The following ROBO1 variants were observed in gnomAD, a reference collection of about 807,000 sequenced individuals.
The protein encoded by ROBO1 is roundabout homolog 1.
In ROBO1, 149 loss-of-function variants were observed where a neutral mutation model predicts 195.9. That is an observed-to-expected ratio of 0.76 (90% CI 0.67 to 0.87). ROBO1 has a LOEUF of 0.87. ROBO1 is among the 40% of genes least tolerant of loss of function. The pLI is 0.00. For synonymous variants in ROBO1, 816 were observed against 733.2 expected (o/e 1.11, Z -1.82); for missense variants, 1,933 against 2,068.3 (o/e 0.93, Z 1.27).
chr3:79,009,930 T>C (rs766635757), intron 3 of ROBO1, among the ~76,000 whole-genome samples: 1 of 152,330 alleles, frequency 6.6e-6, no homozygotes, highest in East Asian at 1.9e-4. Flanking sequence ...TCATAAAAAC[T>C]AGTTGGTACT....
chr3:79,121,948 T>A (rs71324659), intron 3 of ROBO1, among the ~76,000 whole-genome samples: 1,944 of 152,184 alleles, frequency 0.013, 22 homozygotes, highest in Non-Finnish European at 0.019. Flanking sequence ...TTTGTGTCCT[T>A]GTCTAAAGTT....
At chr3:79,170,669 TGGTTACA>T (rs2081149543) in intron 2 of ROBO1, among the ~76,000 whole-genome samples, 1 of 152,130 alleles carries the variant, frequency 6.6e-6, no homozygotes, top group Non-Finnish European at 1.5e-5. Context: ...CACATATATT[TGGTTACA>T]GATGTTATTA....
chr3:79,361,180 T>C (rs1238337164), intron 2 of ROBO1, among the ~76,000 whole-genome samples: 1 of 152,078 alleles, frequency 6.6e-6, no homozygotes, highest in Non-Finnish European at 1.5e-5. Context: ...GATAAATATT[T>C]TTAATGTTTT....
At chr3:78,736,835 G>A (rs934633526) in intron 5 of ROBO1, among the ~76,000 whole-genome samples, 2 of 152,254 alleles carry the variant, frequency 1.3e-5, no homozygotes, top group Middle Eastern at 6.8e-3. Context: ...CATGATAAGT[G>A]TATGTGTAAT....
At chr3:79,276,228 C>T (rs1191081882) in intron 2 of ROBO1, among the ~76,000 whole-genome samples, 2 of 151,934 alleles carry the variant, frequency 1.3e-5, no homozygotes, top group Non-Finnish European at 2.9e-5. Context: ...AATTATACTA[C>T]AGAGGTAGAG....
intron 2 of ROBO1, among the ~76,000 whole-genome samples, chr3:79,538,218 G>A (rs779060281): frequency 7.2e-5 from 11 of 152,140 alleles, no homozygotes; most frequent in Non-Finnish European, 1.2e-4. Flanking sequence ...TTTTGTGTCT[G>A]AAGAGTTAAT....
At chr3:79,577,064 G>C (rs1320021162) in intron 2 of ROBO1, among the ~76,000 whole-genome samples, 2 of 151,928 alleles carry the variant, frequency 1.3e-5, no homozygotes, top group Admixed American at 6.6e-5. Flanking sequence ...TGTTTGTCCT[G>C]TTTTAACTAT....
At chr3:79,008,933 G>GTGTGT (rs1341553693) in intron 3 of ROBO1, among the ~76,000 whole-genome samples, 3 of 139,346 alleles carry the variant, frequency 2.2e-5, no homozygotes, top group Non-Finnish European at 4.7e-5. Flanking sequence ...GTGTGTGTAT[G>GTGTGT]GTTTTGTTTT....
intron 1 of ROBO1, among the ~76,000 whole-genome samples, chr3:79,755,862 T>G (rs1350540946): frequency 2.0e-5 from 3 of 152,200 alleles, no homozygotes; most frequent in Non-Finnish European, 4.4e-5. Flanking sequence ...TTGATCATAT[T>G]AGTCCTTGAT....
intron 8 of ROBO1, among the ~76,000 whole-genome samples, chr3:78,693,879 C>T (rs137867206): frequency 2.0e-5 from 3 of 152,252 alleles, no homozygotes; most frequent in South Asian, 4.1e-4. Flanking sequence ...AGGCATGAGT[C>T]ACCCTGGGAG....
chr3:79,093,930 G>T (rs1576665558), intron 3 of ROBO1, among the ~76,000 whole-genome samples: 1 of 151,998 alleles, frequency 6.6e-6, no homozygotes, highest in African/African-American at 2.4e-5. Flanking sequence ...CCTACTTCCT[G>T]TGCCCTTGAA....
rs370403985 is a variant in ROBO1 at position 78,670,290 on chromosome 3, G to A, written c.1354C>T (p.Arg452Trp). 6.4e-6 allele frequency: 10 copies of A among 1,562,034 alleles called. No individual in the cohort carries two copies. The highest frequency in any genetic ancestry group is 2.7e-5 in the African/African-American group (2 of 73,696). The change falls in exon 11 of 31, where the codon CGG becomes TGG. Residue 452 changes from arginine (R) to tryptophan (W), a missense_variant. Transcript: ENST00000464233. Reference protein sequence around the residue: ...YLEVTDVIADRPPPVIRQGPV... With the variant: ...YLEVTDVIADWPPPVIRQGPV... ...CCTTGTCGAATAACTGGGGGAGGCC[G>A]ATCTGCAATCACTGCCAGAAGAAAC...
chr3:79,710,146 G>A (rs1702213964), intron 1 of ROBO1, among the ~76,000 whole-genome samples: 1 of 152,092 alleles, frequency 6.6e-6, no homozygotes, highest in Admixed American at 6.6e-5. Flanking sequence ...TAACAAAAAG[G>A]AAAAGAGATA....
intron 10 of ROBO1, among the ~76,000 whole-genome samples, chr3:78,682,667 G>A (rs1048405239): frequency 1.1e-4 from 16 of 143,484 alleles, no homozygotes; most frequent in Middle Eastern, 3.4e-3. Context: ...GTATATATAC[G>A]TATATATACA....
chr3:78,956,363 C>T (rs1033730497), intron 3 of ROBO1, among the ~76,000 whole-genome samples: 12 of 152,016 alleles, frequency 7.9e-5, no homozygotes, highest in African/African-American at 2.9e-4. Context: ...ATAATGCCTA[C>T]ATGCATTTAT....
In ROBO1 at chr3:78,738,795, T is replaced by A. The variant is rs554653594; in HGVS notation, c.657+7948A>T. Among the ~76,000 whole-genome samples the A allele has an allele frequency of 9.8e-5, 15 of 152,338 alleles. No homozygotes were observed. In the South Asian group the frequency reaches 3.1e-3, roughly 32 times the overall value. ...CTAAAGCATACTGATGCTGTAAATT[T>A]TTTTTCTACCTTTTGCAAAGAAGAA... On this transcript the variant is annotated intron_variant, in intron 5 of 30. Coordinates refer to ENST00000464233, the MANE Select transcript of ROBO1 (RefSeq NM_002941.4).
chr3:79,308,764 C>G (rs2033342350), intron 2 of ROBO1, among the ~76,000 whole-genome samples: 1 of 152,138 alleles, frequency 6.6e-6, no homozygotes, highest in Non-Finnish European at 1.5e-5. Context: ...CTTATCTTCT[C>G]TGCAATATTA....
intron 3 of ROBO1, among the ~76,000 whole-genome samples, chr3:79,121,759 G>T (rs910270587): frequency 1.3e-5 from 2 of 151,854 alleles, no homozygotes; most frequent in Admixed American, 1.3e-4. Context: ...GGGACAAAGG[G>T]TATATTTTAG....
chr3:79,620,812 C>T (rs759837631), intron 1 of ROBO1, among the ~76,000 whole-genome samples: 1 of 152,060 alleles, frequency 6.6e-6, no homozygotes, highest in Non-Finnish European at 1.5e-5. Context: ...CATTCCACAG[C>T]AGGCTTTAAA....
Sources: gnomAD v4.1 joint callset for allele counts (sites outside exome capture counted in the v4.1 genomes callset) on GRCh38, gnomAD v4.1.1 for gene constraint, MANE v1.5 for transcripts, NCBI Gene and HGNC (gene_info 2026-07-23, HGNC 2026-07-21) for gene names.